The following PLXDC2 variants were observed in gnomAD, a reference collection of about 807,000 sequenced individuals.
PLXDC2 encodes the protein plexin domain containing 2.
Under a neutral mutation model 68.9 loss-of-function variants are expected in PLXDC2, and 40 were observed. That is an observed-to-expected ratio of 0.58 (90% CI 0.45 to 0.76). The LOEUF is 0.76. PLXDC2 is among the 30% of genes least tolerant of loss of function. The pLI is 0.00. For missense variants in PLXDC2, 644 were observed against 661.9 expected (o/e 0.97, Z 0.30); for synonymous variants, 243 against 234.2 (o/e 1.04, Z -0.34).
chr10:19,836,188 A>T (rs1036537910), intron 1 of PLXDC2, among the ~76,000 whole-genome samples: 122 of 152,034 alleles, frequency 8.0e-4, no homozygotes, highest in African/African-American at 2.8e-3. Context: ...AAAGAAAACA[A>T]AAAAAAGAGT....
At chr10:20,240,334 G>A (rs967626074) in intron 12 of PLXDC2, among the ~76,000 whole-genome samples, 2 of 152,114 alleles carry the variant, frequency 1.3e-5, no homozygotes, top group Admixed American at 6.5e-5. Context: ...CCAATCTACC[G>A]TTGATGAGCA....
intron 12 of PLXDC2, among the ~76,000 whole-genome samples, chr10:20,238,662 A>AAAAATATATATATATGTGTATATAT: frequency 3.1e-5 from 1 of 31,752 alleles, no homozygotes; most frequent in African/African-American, 1.0e-4. Context: ...TCTCAAAAAA[A>AAAAATATATATATATGTGTATATAT]ATATATATAT....
intron 1 of PLXDC2, among the ~76,000 whole-genome samples, chr10:19,844,686 T>C (rs1421663184): frequency 1.3e-5 from 2 of 151,998 alleles, no homozygotes. Flanking sequence ...ACCTCTGCCT[T>C]CTGGGCTCAA....
At chr10:19,926,533 G>A (rs1017736083) in intron 1 of PLXDC2, among the ~76,000 whole-genome samples, 3 of 152,086 alleles carry the variant, frequency 2.0e-5, no homozygotes, top group Non-Finnish European at 2.9e-5. Flanking sequence ...GCCAGTTATC[G>A]GAAAGGGCTG....
chr10:20,092,543 C>G (rs1324675078), intron 4 of PLXDC2, among the ~76,000 whole-genome samples: 3 of 151,934 alleles, frequency 2.0e-5, no homozygotes, highest in Non-Finnish European at 4.4e-5. Flanking sequence ...ATATTTTGGA[C>G]AAATCTCACA....
intron 1 of PLXDC2, among the ~76,000 whole-genome samples, chr10:19,920,545 T>C (rs1209222265): frequency 6.6e-6 from 1 of 152,186 alleles, no homozygotes; most frequent in Non-Finnish European, 1.5e-5. Flanking sequence ...GGAGTTTGGC[T>C]GGGGCAGTCA....
At chr10:20,185,728 G>T (rs1445799372) in intron 9 of PLXDC2, among the ~76,000 whole-genome samples, 1 of 151,816 alleles carries the variant, frequency 6.6e-6, no homozygotes, top group East Asian at 1.9e-4. Flanking sequence ...TTACATGATT[G>T]TTTCATATAA....
intron 1 of PLXDC2, among the ~76,000 whole-genome samples, chr10:19,977,000 G>A (rs1006595624): frequency 6.6e-6 from 1 of 151,556 alleles, no homozygotes; most frequent in African/African-American, 2.4e-5. Context: ...TGAATGAAAG[G>A]TATTCTCTGA....
At chr10:20,220,855 T>G (rs1835200985) in intron 12 of PLXDC2, among the ~76,000 whole-genome samples, 1 of 150,764 alleles carries the variant, frequency 6.6e-6, no homozygotes, top group Admixed American at 6.6e-5. Context: ...TTTTTTTTTT[T>G]TTTGAGACCG....
At chr10:19,832,360 A>G (rs1396530661) in intron 1 of PLXDC2, among the ~76,000 whole-genome samples, 2 of 152,214 alleles carry the variant, frequency 1.3e-5, no homozygotes, top group Non-Finnish European at 2.9e-5. Context: ...AGTAATTAAA[A>G]AGAAACACGG....
intron 2 of PLXDC2, among the ~76,000 whole-genome samples, chr10:20,015,499 A>G (rs1315034576): frequency 2.0e-5 from 3 of 152,124 alleles, no homozygotes; most frequent in Non-Finnish European, 4.4e-5. Flanking sequence ...TGTACATGAT[A>G]CTTATTGTCC....
chr10:20,073,848 T>C (rs1303302766), intron 4 of PLXDC2, among the ~76,000 whole-genome samples: 1 of 152,144 alleles, frequency 6.6e-6, no homozygotes, highest in Non-Finnish European at 1.5e-5. Context: ...GCTAGTGTGA[T>C]CTTTTAAATG....
intron 1 of PLXDC2, among the ~76,000 whole-genome samples, chr10:19,967,871 A>G (rs925884944): frequency 6.6e-6 from 1 of 152,198 alleles, no homozygotes; most frequent in African/African-American, 2.4e-5. Context: ...ATTATTTGGT[A>G]TTGTGTTTTC....
At chr10:20,008,771 T>C (rs756362821) in intron 2 of PLXDC2, among the ~76,000 whole-genome samples, 6 of 152,108 alleles carry the variant, frequency 3.9e-5, no homozygotes, top group East Asian at 1.9e-4. Context: ...CACTGAATCA[T>C]AGGGGCAGGC....
At chr10:20,052,738 A>AAAAAAAAAAAAAAAAAAAAAG (rs1835926718) in intron 3 of PLXDC2, among the ~76,000 whole-genome samples, 1 of 141,532 alleles carries the variant, frequency 7.1e-6, no homozygotes, top group Admixed American at 7.5e-5. Flanking sequence ...AAAAAAAAAA[A>AAAAAAAAAAAAAAAAAAAAAG]AAAGAAAGAA....
At chr10:20,254,090 C>T (rs1012002223) in intron 13 of PLXDC2, among the ~76,000 whole-genome samples, 1 of 152,154 alleles carries the variant, frequency 6.6e-6, no homozygotes, top group Non-Finnish European at 1.5e-5. Context: ...TCACCCCGGC[C>T]CTATAGCCTG....
chr10:20,085,130 C>G (rs939506846), intron 4 of PLXDC2, among the ~76,000 whole-genome samples: 43 of 150,946 alleles, frequency 2.8e-4, no homozygotes, highest in African/African-American at 1.1e-3. Flanking sequence ...CTCCAAGCAG[C>G]TTGGCACCGT....
At chr10:20,213,552 G>C (rs1258287982) in intron 10 of PLXDC2, among the ~76,000 whole-genome samples, 1 of 151,978 alleles carries the variant, frequency 6.6e-6, no homozygotes, top group Non-Finnish European at 1.5e-5. Flanking sequence ...GTCGAGATCT[G>C]TAATCCATCT....
intron 1 of PLXDC2, among the ~76,000 whole-genome samples, chr10:19,899,175 A>G (rs1014407755): frequency 6.6e-6 from 1 of 151,992 alleles, no homozygotes; most frequent in African/African-American, 2.4e-5. Flanking sequence ...TGAGAGAATC[A>G]CCTCCAGTCC....
Sources: allele counts gnomAD v4.1 joint callset (sites outside exome capture counted in the v4.1 genomes callset), GRCh38; gene constraint gnomAD v4.1.1; transcripts MANE v1.5; gene names NCBI Gene and HGNC (gene_info 2026-07-23, HGNC 2026-07-21).